Variants in PTTG1IP observed in about 807,000 individuals in gnomAD.
PTTG1IP encodes PTTG1 interacting protein, also known as pituitary tumor-transforming gene 1 protein-interacting protein.
Under a neutral mutation model 24.4 loss-of-function variants are expected in PTTG1IP, and 16 were observed. That is an observed-to-expected ratio of 0.66 (90% CI 0.44 to 1.00). The LOEUF (loss-of-function observed/expected upper bound fraction) is 1.00, where lower values mean the gene tolerates loss of function less well. Ranked by LOEUF, PTTG1IP falls within the 50% of genes least tolerant of loss-of-function variation. The pLI, the probability that PTTG1IP is intolerant of heterozygous loss-of-function variation, is 0.00. For synonymous variants in PTTG1IP, 89 were observed against 96.8 expected, an observed-to-expected ratio of 0.92 and a Z score of 0.47; for missense variants, 241 against 245.8, an observed-to-expected ratio of 0.98 and a Z score of 0.13.
At chr21:44,857,560 C>T (rs1435785339) in intron 3 of PTTG1IP, among the ~76,000 whole-genome samples, 1 of 152,234 alleles carries the variant, frequency 6.6e-6, no homozygotes, top group Admixed American at 6.5e-5. Flanking sequence ...CAGTAGATTA[C>T]CGCATGATTC....
intron 1 of PTTG1IP, among the ~76,000 whole-genome samples, chr21:44,872,602 T>C (rs1257333677): frequency 6.6e-6 from 1 of 152,154 alleles, no homozygotes; most frequent in African/African-American, 2.4e-5. Context: ...TAGAACCTGC[T>C]GGATTTTCCC....
intron 1 of PTTG1IP, among the ~76,000 whole-genome samples, chr21:44,870,258 A>T (rs1272161029): frequency 6.6e-6 from 1 of 152,234 alleles, no homozygotes; most frequent in Admixed American, 6.5e-5. Flanking sequence ...AAGAAAAGAA[A>T]GGCCGGGTGC....
At chr21:44,870,201 A>T (rs1270283031) in intron 1 of PTTG1IP, among the ~76,000 whole-genome samples, 1 of 152,222 alleles carries the variant, frequency 6.6e-6, no homozygotes, top group Non-Finnish European at 1.5e-5. Context: ...AAAGATGAAA[A>T]AAGGTCATTC....
rs1343739943 is a variant in PTTG1IP at position 44,851,542 on chromosome 21, A to G, written c.*39T>C. 2 of 1,613,562 alleles carry G rather than the reference A, an allele frequency of 1.2e-6. No individual in the cohort carries two copies. Among genetic ancestry groups the G allele is most frequent in the Admixed American group, 3.3e-5 (2 of 60,000 alleles). The stretch of plus-strand genomic sequence containing the variant: ...GGCTGGGCTGGGCTGCGGAGCGTGC[A>G]CCTCACAGGAAGCGTCGGGACTGAT... On this transcript the variant is annotated 3_prime_UTR_variant, in exon 6 of 6. Transcript: ENST00000330938.
chr21:44,865,149 C>T (rs1002172562), intron 2 of PTTG1IP, among the ~76,000 whole-genome samples: 5 of 152,232 alleles, frequency 3.3e-5, no homozygotes, highest in African/African-American at 4.8e-5. Context: ...GTGCTGGCCC[C>T]ATCTGCATAG....
At chr21:44,866,704 C>CACAG (rs1441759417) in intron 1 of PTTG1IP, among the ~76,000 whole-genome samples, 2 of 151,642 alleles carry the variant, frequency 1.3e-5, no homozygotes, top group Non-Finnish European at 2.9e-5. Flanking sequence ...CACACACACA[C>CACAG]AAACACAGTG....
intron 3 of PTTG1IP, among the ~76,000 whole-genome samples, chr21:44,859,002 C>T (rs1285829286): frequency 6.6e-6 from 1 of 152,214 alleles, no homozygotes; most frequent in African/African-American, 2.4e-5. Flanking sequence ...GACACAGCAA[C>T]TCCACCCCTA....
chr21:44,864,044 A>ATCTTTCCCG (rs1267219229), intron 2 of PTTG1IP, among the ~76,000 whole-genome samples: 1 of 152,226 alleles, frequency 6.6e-6, no homozygotes, highest in African/African-American at 2.4e-5. Flanking sequence ...CATCGAATAC[A>ATCTTTCCCG]TCTTTCCCGG....
rs235312 is a variant in PTTG1IP, at chr21:44,849,838, A to G, written c.*1743T>C. 0.63 allele frequency: 95,622 copies of G among 152,116 alleles called. 30,454 individuals are homozygous for G. The highest frequency in any genetic ancestry group is 0.8 in the East Asian group (4,149 of 5,174). 9.4% of individuals were successfully genotyped at this position (152,116 alleles called of 1,614,324 possible). A position where few individuals can be genotyped will look rare whatever the true frequency, so the allele number is the denominator to read the frequency against. On this transcript the variant is annotated 3_prime_UTR_variant, in exon 6 of 6. Transcript: ENST00000330938. ...TACGCTCAGGAAGCGGATTTTGCAC[A>G]CACACTACTGCATTCATACAGAGTT...
At chr21:44,865,320 C>T (rs2083526780) in intron 2 of PTTG1IP, 75 bp downstream of exon 2, 1 of 1,475,820 alleles carries the variant, frequency 6.8e-7, no homozygotes. Context: ...CAGCGAATCC[C>T]TGGACCTAGA....
At chr21:44,859,984 T>C (rs908378357) in intron 3 of PTTG1IP, among the ~76,000 whole-genome samples, 3 of 152,222 alleles carry the variant, frequency 2.0e-5, no homozygotes, top group Non-Finnish European at 4.4e-5. Context: ...CCCTATGTAT[T>C]ACCCCAAAAC....
chr21:44,871,499 T>C (rs897137248), intron 1 of PTTG1IP, among the ~76,000 whole-genome samples: 18 of 152,236 alleles, frequency 1.2e-4, no homozygotes, highest in Admixed American at 3.9e-4. Flanking sequence ...CAATACACCA[T>C]GGGTTCTTAA....
At chr21:44,853,074 T>TCA (rs2083422388) in intron 5 of PTTG1IP, among the ~76,000 whole-genome samples, 1 of 152,206 alleles carries the variant, frequency 6.6e-6, no homozygotes, top group South Asian at 2.1e-4. Context: ...ACCCACAGCC[T>TCA]CACACCCGCT....
rs1326723871 is a variant in PTTG1IP at position 44,873,648 on chromosome 21, C to T, written c.-32G>A. On this transcript the variant is annotated 5_prime_UTR_variant, in exon 1 of 6. Coordinates refer to ENST00000330938, the MANE Select transcript of PTTG1IP (RefSeq NM_004339.4). Reference sequence around the variant, plus strand: ...CCGGTCGCTCTATCAGTCAGTGGAGCGTTACAACTCCGACTCCAGCACAAG... The same window carrying T: ...CCGGTCGCTCTATCAGTCAGTGGAGTGTTACAACTCCGACTCCAGCACAAG... 3.7e-6 allele frequency: 5 copies of T among 1,354,618 alleles called. No homozygotes were observed. The Admixed American group carries it at 1.8e-4, about 49-fold the overall frequency. 83.9% of individuals were successfully genotyped at this position (1,354,618 alleles called of 1,614,324 possible). A position where few individuals can be genotyped will look rare whatever the true frequency, so the allele number is the denominator to read the frequency against.
At chr21:44,868,079 A>C (rs182573471) in intron 1 of PTTG1IP, among the ~76,000 whole-genome samples, 16 of 152,372 alleles carry the variant, frequency 1.1e-4, no homozygotes, top group Admixed American at 9.1e-4. Context: ...CACTTTAGAT[A>C]CTTGAAACAA....
chr21:44,850,282 G>A lies in PTTG1IP; in HGVS notation c.*1299C>T, dbSNP rs2083401592. ...TTAAAATTCAAGGCAATCTGGAACA[G>A]GGACTATTTCCAAACTTCCTTAGGC... On this transcript the variant is annotated 3_prime_UTR_variant, in exon 6 of 6. Coordinates refer to ENST00000330938, the MANE Select transcript of PTTG1IP (RefSeq NM_004339.4). The A allele has an allele frequency of 6.6e-6, 1 of 152,214 alleles. No homozygotes were observed. Among genetic ancestry groups the A allele is most frequent in the Admixed American group, 6.5e-5 (1 of 15,282 alleles). 9.4% of individuals were successfully genotyped at this position (152,214 alleles called of 1,614,324 possible).
intron 1 of PTTG1IP, chr21:44,866,019 C>T (rs2083533593): frequency 5.7e-6 from 1 of 176,592 alleles, no homozygotes; most frequent in Non-Finnish European, 1.2e-5. Context: ...AGAGGCCCGG[C>T]ACACCAGCCT....
intron 1 of PTTG1IP, among the ~76,000 whole-genome samples, chr21:44,867,430 C>T (rs533038772): frequency 1.4e-4 from 21 of 150,274 alleles, no homozygotes; most frequent in African/African-American, 2.5e-4. Context: ...GCCTGGGGGA[C>T]GGCCATGCGT....
chr21:44,851,694 T>C (rs568971065), intron 5 of PTTG1IP, 67 bp from the exon 6 acceptor site: 5 of 1,502,210 alleles, frequency 3.3e-6, no homozygotes, highest in African/African-American at 1.4e-5. Context: ...TAGAAAGCCA[T>C]ACAAACCAAG....
Sources: gnomAD v4.1 joint callset for allele counts (sites outside exome capture counted in the v4.1 genomes callset) on GRCh38, gnomAD v4.1.1 for gene constraint, MANE v1.5 for transcripts, NCBI Gene and HGNC (gene_info 2026-07-23, HGNC 2026-07-21) for gene names.